The following RBFOX1 variants were observed in gnomAD, a reference collection of about 807,000 sequenced individuals.
RBFOX1 encodes the protein RNA binding protein fox-1 homolog 1.
A neutral mutation model predicts 57.7 loss-of-function variants in RBFOX1; 8 were observed. The observed-to-expected ratio is 0.14, with a 90% CI of 0.08 to 0.25. The LOEUF (loss-of-function observed/expected upper bound fraction) is 0.25. Ranked by LOEUF, RBFOX1 falls within the 10% of genes least tolerant of loss-of-function variation. The probability of loss-of-function intolerance (pLI) is 1.00; values close to 1 mark genes in which losing one functional copy is unlikely to be tolerated. For synonymous variants in RBFOX1, 326 were observed against 222.4 expected (o/e 1.47, Z -4.15); for missense variants, 611 against 548.5 (o/e 1.11, Z -1.14).
intron 14 of RBFOX1, among the ~76,000 whole-genome samples, chr16:7,679,636 A>C (rs1411579788): frequency 1.3e-5 from 2 of 152,106 alleles, no homozygotes; most frequent in Non-Finnish European, 2.9e-5. Context: ...AGCCCTCATC[A>C]AATGAAAGAT....
At chr16:6,085,924 C>T (rs1036729412) in intron 1 of RBFOX1, among the ~76,000 whole-genome samples, 2 of 152,088 alleles carry the variant, frequency 1.3e-5, no homozygotes, top group South Asian at 4.1e-4. Context: ...TAACCCGTCA[C>T]CTAGGCATTA....
At chr16:7,176,698 T>C (rs1214978460) in intron 4 of RBFOX1, among the ~76,000 whole-genome samples, 2 of 152,186 alleles carry the variant, frequency 1.3e-5, no homozygotes, top group Non-Finnish European at 2.9e-5. Context: ...TTCTAGGTAT[T>C]GAGAATGAAA....
At chr16:7,650,267 C>G (rs1292482142) in intron 11 of RBFOX1, among the ~76,000 whole-genome samples, 2 of 151,650 alleles carry the variant, frequency 1.3e-5, no homozygotes, top group African/African-American at 4.8e-5. Context: ...TCCTCCAGCC[C>G]TTTCTCCATG....
In RBFOX1 at chr16:6,551,444, C is replaced by T. The variant is rs376885138; in HGVS notation, c.-63-103159C>T. ...AGAGCTATTGTGAAAACTAAAGGAT[C>T]GTATAATTTTACGCTGTCTAACATA... On this transcript the variant is annotated intron_variant, in intron 2 of 15. Coordinates refer to ENST00000550418, the MANE Select transcript of RBFOX1 (RefSeq NM_018723.4). Among the ~76,000 whole-genome samples the T allele has an allele frequency of 1.1e-3, 163 of 152,216 alleles. 1 individual carries two copies. Among genetic ancestry groups the T allele is most frequent in the African/African-American group, 3.7e-3 (152 of 41,550 alleles).
chr16:5,916,601 G>A (rs1397248551), intron 4 of RBFOX1, among the ~76,000 whole-genome samples: 1 of 152,004 alleles, frequency 6.6e-6, no homozygotes, highest in Non-Finnish European at 1.5e-5. Context: ...TCCCAGCTTT[G>A]GAACTAATTT....
intron 1 of RBFOX1, among the ~76,000 whole-genome samples, chr16:5,286,755 T>C (rs893945436): frequency 4.6e-5 from 7 of 152,242 alleles, no homozygotes; most frequent in African/African-American, 1.4e-4. Flanking sequence ...GCTTTTGGTC[T>C]AGATAACCTC....
At chr16:7,237,901 G>A (rs1171078179) in intron 4 of RBFOX1, among the ~76,000 whole-genome samples, 1 of 152,184 alleles carries the variant, frequency 6.6e-6, no homozygotes, top group African/African-American at 2.4e-5. Flanking sequence ...CTACTCAGGA[G>A]GCTGAAGCAT....
intron 3 of RBFOX1, among the ~76,000 whole-genome samples, chr16:5,855,976 C>CTTTTTT (rs1160702604): frequency 2.0e-3 from 152 of 77,556 alleles, no homozygotes; most frequent in East Asian, 5.9e-3. Flanking sequence ...GTATGTTATT[C>CTTTTTT]TTTTTTTTTT....
intron 4 of RBFOX1, among the ~76,000 whole-genome samples, chr16:7,185,840 G>T (rs2083619606): frequency 6.6e-6 from 1 of 152,130 alleles, no homozygotes; most frequent in Non-Finnish European, 1.5e-5. Context: ...GAACAAGAGT[G>T]ATTTGGATTC....
intron 4 of RBFOX1, among the ~76,000 whole-genome samples, chr16:7,473,701 T>A (rs988661317): frequency 2.0e-5 from 3 of 152,002 alleles, no homozygotes; most frequent in African/African-American, 7.2e-5. Context: ...TGTGGTGGAA[T>A]CAAAGAGTAG....
rs536362491 is a variant in RBFOX1 at position 6,141,351 on chromosome 16, G to C, written c.-127+121359G>C. 5.3e-4 allele frequency among the ~76,000 whole-genome samples: 80 copies of C among 152,258 alleles called. 1 individual carries two copies. In the South Asian group the frequency reaches 7.0e-3, roughly 13 times the overall value. ...GCTGAGAGGCTATTCCTTTCTTTCA[G>C]ATCTCTGGGCATAACCCTGACTGCT... On this transcript the variant is annotated intron_variant, in intron 1 of 15. Transcript: ENST00000550418.
intron 1 of RBFOX1, among the ~76,000 whole-genome samples, chr16:5,371,404 G>C (rs897315887): frequency 6.6e-6 from 1 of 152,192 alleles, no homozygotes; most frequent in Non-Finnish European, 1.5e-5. Context: ...AGGGAGAAGA[G>C]AGGCACCTGC....
At chr16:7,378,682 T>G (rs758808728) in intron 4 of RBFOX1, among the ~76,000 whole-genome samples, 13 of 152,158 alleles carry the variant, frequency 8.5e-5, no homozygotes, top group Non-Finnish European at 1.8e-4. Flanking sequence ...AGGCTTTTAT[T>G]TCCCAGGCAC....
At chr16:7,203,040 C>T (rs980989918) in intron 4 of RBFOX1, among the ~76,000 whole-genome samples, 3 of 152,164 alleles carry the variant, frequency 2.0e-5, no homozygotes, top group Non-Finnish European at 4.4e-5. Context: ...CCTGCCTCGG[C>T]CTCCCAAAGT....
At chr16:6,992,949 C>T (rs1596345931) in intron 3 of RBFOX1, among the ~76,000 whole-genome samples, 2 of 152,198 alleles carry the variant, frequency 1.3e-5, no homozygotes, top group South Asian at 2.1e-4. Flanking sequence ...ATGCAGACTC[C>T]TTCTTCCCAA....
chr16:7,133,124 C>T (rs917084430), intron 4 of RBFOX1, among the ~76,000 whole-genome samples: 1 of 152,144 alleles, frequency 6.6e-6, no homozygotes, highest in African/African-American at 2.4e-5. Context: ...ATCAAAAATG[C>T]AGGTTTTAAT....
intron 4 of RBFOX1, among the ~76,000 whole-genome samples, chr16:7,509,385 A>T (rs1024675416): frequency 9.4e-5 from 13 of 138,630 alleles, no homozygotes; most frequent in Non-Finnish European, 1.5e-5. Context: ...ACTAGGAGCC[A>T]AGCCCTGTGT....
intron 3 of RBFOX1, among the ~76,000 whole-genome samples, chr16:6,771,456 A>T (rs2078278266): frequency 6.6e-6 from 1 of 152,116 alleles, no homozygotes; most frequent in Non-Finnish European, 1.5e-5. Context: ...CTTCTTAGAT[A>T]TGATCCAGAT....
chr16:7,335,708 G>C (rs1370313644), intron 4 of RBFOX1, among the ~76,000 whole-genome samples: 12 of 152,002 alleles, frequency 7.9e-5, no homozygotes, highest in African/African-American at 2.9e-4. Flanking sequence ...ATAGCTTCAG[G>C]AAAGTTACTC....
Sources: allele counts gnomAD v4.1 joint callset (sites outside exome capture counted in the v4.1 genomes callset), GRCh38; gene constraint gnomAD v4.1.1; transcripts MANE v1.5; gene names NCBI Gene and HGNC (gene_info 2026-07-23, HGNC 2026-07-21).